DRC11: variants seen among roughly 807,000 people sequenced by gnomAD.
The protein encoded by DRC11 is IQ and AAA domain-containing protein 1.
the DRC11 span, among the ~76,000 whole-genome samples, chr2:236,394,756 C>G: frequency 6.6e-6 from 1 of 152,102 alleles, no homozygotes; most frequent in Non-Finnish European, 1.5e-5. This position sits in a 1 kb window ranked among gnomAD's most constrained non-coding sequence, Gnocchi z 7.0. Flanking sequence ...GACTACGGCA[C>G]GGATGGCTCA....
At chr2:236,354,146 C>T in the DRC11 span, among the ~76,000 whole-genome samples, 1 of 151,572 alleles carries the variant, frequency 6.6e-6, no homozygotes. Context: ...ACAGGAAAGA[C>T]TGGGCACAGT....
the DRC11 span, among the ~76,000 whole-genome samples, chr2:236,311,206 C>A: frequency 1.3e-5 from 2 of 152,224 alleles, no homozygotes; most frequent in Admixed American, 6.5e-5. This position sits in a 1 kb window ranked among gnomAD's most constrained non-coding sequence, Gnocchi z 6.9. Context: ...AATGAGATCT[C>A]CCCACCCTTC....
chr2:236,439,783 T>C, the DRC11 span, among the ~76,000 whole-genome samples: 2 of 152,216 alleles, frequency 1.3e-5, no homozygotes, highest in African/African-American at 2.4e-5. Flanking sequence ...TTTCTTGATC[T>C]TGACATTTTT....
chr2:236,459,534 C>CGTATACGTATACGTATACAT, the DRC11 span, among the ~76,000 whole-genome samples: 1 of 70,096 alleles, frequency 1.4e-5, no homozygotes, highest in Non-Finnish European at 3.1e-5. Context: ...TACATGTATA[C>CGTATACGTATACGTATACAT]GTATACGTAT....
the DRC11 span, among the ~76,000 whole-genome samples, chr2:236,388,003 C>T: frequency 6.6e-6 from 1 of 152,132 alleles, no homozygotes; most frequent in Non-Finnish European, 1.5e-5. Context: ...ACTCTCTTCT[C>T]GCTTGTAGGG....
chr2:236,407,107 C>T, the DRC11 span, among the ~76,000 whole-genome samples: 3,092 of 152,268 alleles, frequency 0.02, 32 homozygotes, highest in Non-Finnish European at 0.028. Flanking sequence ...CATGCATTTG[C>T]GACAGCACTA....
At chr2:236,504,963 G>A in the DRC11 span, among the ~76,000 whole-genome samples, 24 of 152,178 alleles carry the variant, frequency 1.6e-4, no homozygotes, top group Non-Finnish European at 1.5e-4. The surrounding 1 kb of genome is among the most constrained non-coding windows in gnomAD (Gnocchi z 5.0). Context: ...ACCCAGTCTC[G>A]GGTATGTCTT....
chr2:236,467,123 T>C, the DRC11 span, among the ~76,000 whole-genome samples: 9 of 152,248 alleles, frequency 5.9e-5, no homozygotes, highest in South Asian at 2.1e-4. Flanking sequence ...CTCAAGAGTT[T>C]TGAAAGTCCA....
At chr2:236,361,034 A>G in the DRC11 span, among the ~76,000 whole-genome samples, 2 of 152,202 alleles carry the variant, frequency 1.3e-5, no homozygotes, top group Non-Finnish European at 1.5e-5. This position sits in a 1 kb window ranked among gnomAD's most constrained non-coding sequence, Gnocchi z 5.7. Context: ...ACACATGGTC[A>G]AGGGAAAAGC....
chr2:236,310,910 A>G, the DRC11 span, among the ~76,000 whole-genome samples: 1 of 152,190 alleles, frequency 6.6e-6, no homozygotes. The surrounding 1 kb of genome is among the most constrained non-coding windows in gnomAD (Gnocchi z 5.5). Flanking sequence ...CCATTCACCG[A>G]TCTGTCAGTT....
the DRC11 span, among the ~76,000 whole-genome samples, chr2:236,360,891 C>G: frequency 1.3e-5 from 2 of 152,302 alleles, no homozygotes; most frequent in East Asian, 3.9e-4. The surrounding 1 kb of genome is among the most constrained non-coding windows in gnomAD (Gnocchi z 5.8). Flanking sequence ...TCTGCAAGTT[C>G]AAGCTGATCA....
chr2:236,448,453 A>G, the DRC11 span, among the ~76,000 whole-genome samples: 1 of 151,958 alleles, frequency 6.6e-6, no homozygotes, highest in Non-Finnish European at 1.5e-5. The surrounding 1 kb of genome is among the most constrained non-coding windows in gnomAD (Gnocchi z 5.3). Flanking sequence ...CTCCTGCCTC[A>G]GCCTCCTGAG....
chr2:236,408,885 G>A, the DRC11 span: 2,233 of 655,312 alleles, frequency 3.4e-3, 28 homozygotes, highest in African/African-American at 0.036. This position sits in a 1 kb window ranked among gnomAD's most constrained non-coding sequence, Gnocchi z 5.5. Context: ...GTTCACGTTG[G>A]ATCCTAGCCT....
the DRC11 span, among the ~76,000 whole-genome samples, chr2:236,329,625 A>G: frequency 6.6e-6 from 1 of 152,194 alleles, no homozygotes; most frequent in African/African-American, 2.4e-5. Flanking sequence ...GTATCACATT[A>G]TTCAGGAGAG....
the DRC11 span, among the ~76,000 whole-genome samples, chr2:236,410,883 A>G: frequency 2.5e-4 from 37 of 145,806 alleles, no homozygotes; most frequent in African/African-American, 8.1e-4. Flanking sequence ...TACACCTTAT[A>G]CAAAAATCAA....
chr2:236,352,629 C>G, the DRC11 span, among the ~76,000 whole-genome samples: 1 of 152,156 alleles, frequency 6.6e-6, no homozygotes, highest in Non-Finnish European at 1.5e-5. This position sits in a 1 kb window ranked among gnomAD's most constrained non-coding sequence, Gnocchi z 7.0. Context: ...CCTCTTCTCC[C>G]TCCACCTAGA....
At chr2:236,461,211 ATCATT>A in the DRC11 span, among the ~76,000 whole-genome samples, 1 of 152,258 alleles carries the variant, frequency 6.6e-6, no homozygotes, top group Non-Finnish European at 1.5e-5. This position sits in a 1 kb window ranked among gnomAD's most constrained non-coding sequence, Gnocchi z 4.0. Flanking sequence ...AAACTAAAGA[ATCATT>A]TCATTTACAG....
the DRC11 span, among the ~76,000 whole-genome samples, chr2:236,474,590 G>A: frequency 7.2e-5 from 11 of 152,140 alleles, no homozygotes; most frequent in Non-Finnish European, 1.2e-4. Context: ...GACTGTACTA[G>A]ATTAAATCTT....
At chr2:236,488,205 T>G in the DRC11 span, 1 of 1,551,810 alleles carries the variant, frequency 6.4e-7, no homozygotes, top group Non-Finnish European at 8.7e-7. Context: ...CAAAAAACAG[T>G]CAAGATAAAC....
Sources: gnomAD v4.1 joint callset for allele counts (sites outside exome capture counted in the v4.1 genomes callset) on GRCh38, gnomAD v4.1.1 for gene constraint, Gnocchi (gnomAD v3.1) non-coding constraint, MANE v1.5 for transcripts, NCBI Gene and HGNC (gene_info 2026-07-23, HGNC 2026-07-21) for gene names.